NBPF26: variants seen among roughly 807,000 people sequenced by gnomAD.
NBPF26 encodes NBPF member 26.
Under a neutral mutation model 119.6 loss-of-function variants are expected in NBPF26, and 79 were observed. The observed-to-expected ratio is 0.66, with a 90% CI of 0.55 to 0.80. The LOEUF (loss-of-function observed/expected upper bound fraction) is 0.80. Among genes scored for constraint, NBPF26 ranks in the 30% least tolerant of loss-of-function variants. The pLI is 0.00. For missense variants in NBPF26, 800 were observed against 1,198.2 expected, an observed-to-expected ratio of 0.67 and a Z score of 4.91; for synonymous variants, 299 against 457.7, an observed-to-expected ratio of 0.65 and a Z score of 4.43.
intron 10 of NBPF26, among the ~76,000 whole-genome samples, chr1:120,813,135 GCTTGT>G (rs1388342508): frequency 8.4e-6 from 1 of 119,148 alleles, no homozygotes; most frequent in East Asian, 2.1e-4. Context: ...CATCCAAGTT[GCTTGT>G]CTTGTCTGTC....
chr1:120,805,736 G>A lies in NBPF26; in HGVS notation c.932G>A (p.Gly311Asp), dbSNP rs1312936108. Reference sequence around the variant, plus strand: ...AAATGTTTTCTAACTCAACTGGCCGGCTTCCTGGCCAACCGACAGAAGAAA... The same window carrying A: ...AAATGTTTTCTAACTCAACTGGCCGACTTCCTGGCCAACCGACAGAAGAAA... The change falls in exon 5 of 30, where the codon GGC becomes GAC. Residue 311 changes from glycine to aspartate, a missense_variant. Physicochemically the swap from Gly to Asp is moderately conservative, Grantham distance 94. This residue lies in a region of NBPF26 where 155 missense variants were observed against 143.7 expected (regional missense o/e 1.08). Coordinates refer to ENST00000620612, the Ensembl canonical transcript of NBPF26. 13 of 1,444,482 alleles carry A rather than the reference G, an allele frequency of 9.0e-6. 4 individuals carry two copies. The Admixed American group carries it at 1.8e-4, about 20-fold the overall frequency. The allele number at this position is 1,444,482 out of a possible 1,614,324, so 89.5% of individuals were successfully genotyped here.
In NBPF26 at chr1:120,724,004, G is replaced by C. The variant is rs1486880921; in HGVS notation, c.-174G>C. 6.6e-6 allele frequency: 8 copies of C among 1,221,000 alleles called. 1 individual carries two copies. In the East Asian group the frequency reaches 1.9e-4, roughly 29 times the overall value. 75.6% of individuals were successfully genotyped at this position (1,221,000 alleles called of 1,614,324 possible). On this transcript the variant is annotated 5_prime_UTR_variant, in exon 1 of 30. Coordinates refer to ENST00000620612, the Ensembl canonical transcript of NBPF26. ...GAGGAGCGGCGGACTCGGGGCGCGG[G>C]GAGTCGAGGCATTTGCACCTGGGCT...
In NBPF26 at chr1:120,814,681, T is replaced by A. The variant is rs1404364996; in HGVS notation, c.1878-148T>A. 5.5e-5 allele frequency: 34 copies of A among 617,244 alleles called. 3 individuals carry two copies. The East Asian group carries it at 9.0e-4, about 16-fold the overall frequency. The allele number at this position is 617,244 out of a possible 1,614,324, so 38.2% of individuals were successfully genotyped here. A position where few individuals can be genotyped will look rare whatever the true frequency, so the allele number is the denominator to read the frequency against. On this transcript the variant is annotated intron_variant, in intron 11 of 29. Transcript: ENST00000620612. ...CCTGTAAACCATTTTCTATTCTTTC[T>A]CTTGGCCACAGACATTCCTTTAAAC...
rs1392358942 is a variant in NBPF26 at position 120,770,172 on chromosome 1, G to T, written c.155+6463G>T. Among the ~76,000 whole-genome samples the T allele has an allele frequency of 2.6e-4, 25 of 97,938 alleles. 3 individuals carry two copies. In the East Asian group the frequency reaches 4.2e-3, roughly 16 times the overall value. The allele number at this position is 97,938 out of a possible 152,430, so 64.3% of individuals were successfully genotyped here. On this transcript the variant is annotated intron_variant, in intron 2 of 29. Transcript: ENST00000620612. ...TGACATGAAGAGGACATAGTTTTTT[G>T]TTGTTGTTTTTTTTTGAGACAGAGT...
exon 4 of NBPF26, chr1:120,793,291 T>C: frequency 1.4e-6 from 2 of 1,393,574 alleles, no homozygotes; most frequent in Non-Finnish European, 1.9e-6. Context: ...GTGAGACTGA[T>C]GTCAATGAGT....
rs1287738409 is a variant in NBPF26, at chr1:120,806,461, C to T, written c.961+696C>T. 3.0e-4 allele frequency among the ~76,000 whole-genome samples: 35 copies of T among 116,386 alleles called. 10 individuals carry two copies. Among genetic ancestry groups the T allele is most frequent in the African/African-American group, 1.2e-3 (28 of 23,446 alleles). The allele number at this position is 116,386 out of a possible 152,430, so 76.4% of individuals were successfully genotyped here. A position where few individuals can be genotyped will look rare whatever the true frequency, so the allele number is the denominator to read the frequency against. ...TACAAAAAGTAGATGGGCATCGTGG[C>T]GGGCAACTGTAATCACCACTAATCG... On this transcript the variant is annotated intron_variant, in intron 5 of 29. Coordinates refer to ENST00000620612, the Ensembl canonical transcript of NBPF26.
chr1:120,832,692 C>G lies in NBPF26; in HGVS notation c.3263-183C>G, dbSNP rs1652370102. Among the ~76,000 whole-genome samples, 6 of 120,834 alleles carry G rather than the reference C, an allele frequency of 5.0e-5. No individual in the cohort carries two copies. In the South Asian group the frequency reaches 1.2e-3, roughly 24 times the overall value. The allele number at this position is 120,834 out of a possible 152,430, so 79.3% of individuals were successfully genotyped here. ...AATAGGGACACTTTACCCACAGTTTCTGGGAGAAAAACCGAGGAATTTCTA... is the reference window on the plus strand; with the variant it reads ...AATAGGGACACTTTACCCACAGTTTGTGGGAGAAAAACCGAGGAATTTCTA... On this transcript the variant is annotated intron_variant, in intron 22 of 29. Transcript: ENST00000620612.
At chr1:120,815,188 T>C in intron 12 of NBPF26, 145 bp downstream of exon 12, 1 of 636,302 alleles carries the variant, frequency 1.6e-6, no homozygotes, top group South Asian at 1.7e-5. Flanking sequence ...ACTTCTTGGG[T>C]AAGAACAGAG....
At chr1:120,806,736 C>A (rs1651694518) in intron 5 of NBPF26, among the ~76,000 whole-genome samples, 1 of 120,872 alleles carries the variant, frequency 8.3e-6, no homozygotes, top group Non-Finnish European at 1.7e-5. Context: ...TGTGTGGAAG[C>A]AGCAGTGCAG....
intron 1 of NBPF26, among the ~76,000 whole-genome samples, chr1:120,724,510 C>G (rs1650794943): frequency 8.3e-6 from 1 of 120,238 alleles, no homozygotes; most frequent in South Asian, 2.4e-4. Flanking sequence ...GGAGGGAGGC[C>G]GGCAGCAAGT....
intron 15 of NBPF26, among the ~76,000 whole-genome samples, chr1:120,820,446 AAATATATATATAT>A (rs1652105230): frequency 4.5e-5 from 1 of 22,148 alleles, no homozygotes; most frequent in East Asian, 7.7e-4. Flanking sequence ...AAAGTATTAA[AAATATATATATAT>A]ATATATATAT....
intron 1 of NBPF26, among the ~76,000 whole-genome samples, chr1:120,727,613 G>A (rs1245708541): frequency 1.0e-5 from 1 of 98,208 alleles, no homozygotes; most frequent in South Asian, 3.1e-4. Flanking sequence ...ATCTATATAC[G>A]TCTGCAATGA....
At chr1:120,728,689 A>G (rs1650842191) in intron 1 of NBPF26, among the ~76,000 whole-genome samples, 2 of 117,886 alleles carry the variant, frequency 1.7e-5, no homozygotes, top group Non-Finnish European at 3.3e-5. Flanking sequence ...TACTATTTTT[A>G]AAATTAGAGT....
chr1:120,802,610 C>A (rs1230643625), intron 4 of NBPF26, among the ~76,000 whole-genome samples: 4 of 119,518 alleles, frequency 3.3e-5, no homozygotes, highest in Non-Finnish European at 6.5e-5. Flanking sequence ...TCTTTTTGCA[C>A]AGCAACATGG....
chr1:120,743,838 T>A (rs1650956293), intron 1 of NBPF26, among the ~76,000 whole-genome samples: 1 of 126,088 alleles, frequency 7.9e-6, no homozygotes, highest in African/African-American at 3.4e-5. Context: ...GGTTTTGCAT[T>A]TTTTTAGCAA....
At chr1:120,763,584 T>C in intron 1 of NBPF26, 44 bp from the exon 2 acceptor site, 2 of 844,908 alleles carry the variant, frequency 2.4e-6, no homozygotes, top group Non-Finnish European at 3.6e-6. Context: ...CTGAGGGTTA[T>C]GATTAGTGAC....
rs1651583253 is a variant in NBPF26, at chr1:120,801,655, C to T, written c.752-3901C>T. The stretch of plus-strand genomic sequence containing the variant: ...AACCAGCCTGAGCAACATAGCAAGA[C>T]CTTGTCTCCATGAAAAATAAAAAAC... On this transcript the variant is annotated intron_variant, in intron 4 of 29. Coordinates refer to ENST00000620612, the Ensembl canonical transcript of NBPF26. Among the ~76,000 whole-genome samples the T allele has an allele frequency of 1.9e-5, 2 of 105,574 alleles. 1 individual carries two copies. The highest frequency in any genetic ancestry group is 4.4e-4 in the East Asian group (2 of 4,568). The allele number at this position is 105,574 out of a possible 152,430, so 69.3% of individuals were successfully genotyped here.
At chr1:120,784,364 C>T (rs1468470559) in intron 2 of NBPF26, among the ~76,000 whole-genome samples, 1 of 116,046 alleles carries the variant, frequency 8.6e-6, no homozygotes, top group Non-Finnish European at 1.7e-5. Flanking sequence ...CTTAAAGGCC[C>T]CAATTGATCC....
chr1:120,823,741 C>G (rs1178023338), intron 17 of NBPF26, among the ~76,000 whole-genome samples: 1 of 58,766 alleles, frequency 1.7e-5, no homozygotes, highest in Non-Finnish European at 3.3e-5. Context: ...GACCAATTCA[C>G]TGAGCTCGCT....
Sources: gnomAD v4.1 joint callset for allele counts (sites outside exome capture counted in the v4.1 genomes callset) on GRCh38, gnomAD v4.1.1 for gene constraint, gnomAD v4.1.1 regional missense constraint, MANE v1.5 for transcripts, NCBI Gene and HGNC (gene_info 2026-07-23, HGNC 2026-07-21) for gene names.